The following INSYN2B variants were observed in gnomAD, a reference collection of about 807,000 sequenced individuals.
The protein encoded by INSYN2B is inhibitory synaptic factor family member 2B.
In INSYN2B, 16 loss-of-function variants were observed where a neutral mutation model predicts 41.2. The observed-to-expected ratio is 0.39, with a 90% confidence interval of 0.26 to 0.59. INSYN2B has a LOEUF of 0.59. Among genes scored for constraint, INSYN2B ranks in the 20% least tolerant of loss-of-function variants. INSYN2B has a pLI of 0.57. For missense variants in INSYN2B, 608 were observed against 646.4 expected (o/e 0.94, Z 0.64); for synonymous variants, 245 against 244.4 (o/e 1.00, Z -0.02).
chr5:169,958,612 T>C (rs1376382469), intron 1 of INSYN2B, among the ~76,000 whole-genome samples: 2 of 151,572 alleles, frequency 1.3e-5, no homozygotes, highest in African/African-American at 2.4e-5. Flanking sequence ...ATTTACAAAA[T>C]GTGGTTTAAA....
At chr5:169,896,839 A>C (rs1045031301) in intron 1 of INSYN2B, among the ~76,000 whole-genome samples, 1 of 152,226 alleles carries the variant, frequency 6.6e-6, no homozygotes, top group Non-Finnish European at 1.5e-5. Context: ...AATAAAATGC[A>C]GATGCCATAG....
At chr5:169,958,621 A>G (rs1449722278) in intron 1 of INSYN2B, among the ~76,000 whole-genome samples, 2 of 151,882 alleles carry the variant, frequency 1.3e-5, no homozygotes, top group Non-Finnish European at 2.9e-5. Context: ...ATGTGGTTTA[A>G]ATATTGATTG....
intron 1 of INSYN2B, among the ~76,000 whole-genome samples, chr5:169,965,172 A>G (rs1009698308): frequency 2.6e-5 from 4 of 152,236 alleles, no homozygotes; most frequent in African/African-American, 7.2e-5. Context: ...CTTACAAAAG[A>G]TACATTTTCT....
Position 169,863,328 on chromosome 5 carries a change from A to T in INSYN2B, c.*945T>A, listed in dbSNP as rs1388733500. Among the ~76,000 whole-genome samples, 1 of 152,234 alleles carries T rather than the reference A, an allele frequency of 6.6e-6. No individual in the cohort carries two copies. The highest frequency in any genetic ancestry group is 1.9e-4 in the East Asian group (1 of 5,202). On this transcript the variant is annotated 3_prime_UTR_variant, in exon 4 of 4. Coordinates refer to ENST00000377365, the MANE Select transcript of INSYN2B (RefSeq NM_001129891.3). ...ATCTACACGGCTGTTTCTGGGATGA[A>T]GGGATGAGAAACAGTGTTGTGTTTT...
At chr5:169,913,019 T>C (rs745375978) in intron 1 of INSYN2B, among the ~76,000 whole-genome samples, 3 of 152,204 alleles carry the variant, frequency 2.0e-5, no homozygotes, top group Non-Finnish European at 4.4e-5. Flanking sequence ...TGTTCCTCAA[T>C]TGTAGTGCCT....
rs542643694 is a variant in INSYN2B at position 169,875,289 on chromosome 5, G to A, written c.1421+6079C>T. ...ACACTCTCTGATTCAGTGGCTTTGG[G>A]GCTGAAACCCAGCAACAAGTTTCCA... On this transcript the variant is annotated intron_variant, in intron 3 of 3. Coordinates refer to ENST00000377365, the MANE Select transcript of INSYN2B (RefSeq NM_001129891.3). 56 of 456,602 alleles carry A rather than the reference G, an allele frequency of 1.2e-4. No individual in the cohort carries two copies. The East Asian group carries it at 2.2e-3, about 18-fold the overall frequency. 28.3% of individuals were successfully genotyped at this position (456,602 alleles called of 1,614,324 possible). A position where few individuals can be genotyped will look rare whatever the true frequency, so the allele number is the denominator to read the frequency against.
At position 169,886,285 on chromosome 5, in the gene INSYN2B, G is replaced by T. The variant is rs190912642; in HGVS notation, c.-918-1469C>A. Among the ~76,000 whole-genome samples, 104 of 152,294 alleles carry T rather than the reference G, an allele frequency of 6.8e-4. 1 individual carries two copies. The highest frequency in any genetic ancestry group is 2.3e-3 in the African/African-American group (95 of 41,560). On this transcript the variant is annotated intron_variant, in intron 1 of 3. Coordinates refer to ENST00000377365, the MANE Select transcript of INSYN2B (RefSeq NM_001129891.3). ...AGAGCAGGGTTGGCTTCTGAGAGTG[G>T]CATTGTCACATACCTCTCTGAGGAG... is the stretch of plus-strand genomic sequence containing the variant.
rs771742923 is a variant in INSYN2B, at chr5:169,862,694, G to A, written c.*1579C>T. Among the ~76,000 whole-genome samples the A allele has an allele frequency of 6.6e-6, 1 of 152,204 alleles. No homozygotes were observed. The highest frequency in any genetic ancestry group is 2.4e-5 in the African/African-American group (1 of 41,448). On this transcript the variant is annotated 3_prime_UTR_variant, in exon 4 of 4. Transcript: ENST00000377365. ...TGAATGACATTCCAAGACTTAAATAGTGCAAGCTGATATTCCTTGCCAAAT... is the reference window on the plus strand; with the variant it reads ...TGAATGACATTCCAAGACTTAAATAATGCAAGCTGATATTCCTTGCCAAAT...
At chr5:169,958,152 A>ATTTGT (rs1246246974) in intron 1 of INSYN2B, among the ~76,000 whole-genome samples, 22 of 152,212 alleles carry the variant, frequency 1.4e-4, no homozygotes, top group Non-Finnish European at 2.9e-4. Context: ...GTCTTTGTCA[A>ATTTGT]CTTGATTATC....
intron 1 of INSYN2B, among the ~76,000 whole-genome samples, chr5:169,898,251 A>G (rs545156976): frequency 4.3e-4 from 66 of 152,266 alleles, no homozygotes; most frequent in Non-Finnish European, 7.2e-4. Context: ...ACTGGCTGCC[A>G]TGGTCTCCTT....
At chr5:169,930,747 G>A (rs371214865) in intron 1 of INSYN2B, among the ~76,000 whole-genome samples, 31 of 152,274 alleles carry the variant, frequency 2.0e-4, no homozygotes, top group African/African-American at 6.0e-4. Flanking sequence ...TTTGAGAGTC[G>A]GGTGGAAGGC....
intron 1 of INSYN2B, among the ~76,000 whole-genome samples, chr5:169,968,978 G>T (rs1395508463): frequency 6.6e-6 from 1 of 152,148 alleles, no homozygotes; most frequent in Non-Finnish European, 1.5e-5. Context: ...GTGATACCAT[G>T]CCTCTACAAA....
intron 1 of INSYN2B, among the ~76,000 whole-genome samples, chr5:169,889,216 A>G (rs890760620): frequency 6.6e-5 from 10 of 152,236 alleles, no homozygotes; most frequent in African/African-American, 2.2e-4. Flanking sequence ...TTGCATAACT[A>G]ATTAAGAGTG....
intron 1 of INSYN2B, among the ~76,000 whole-genome samples, chr5:169,941,627 T>A (rs1181086564): frequency 6.6e-6 from 1 of 152,144 alleles, no homozygotes; most frequent in Non-Finnish European, 1.5e-5. Context: ...CTGGACTTGA[T>A]TAAACTAAGA....
At chr5:169,918,951 A>C (rs1271166246) in intron 1 of INSYN2B, among the ~76,000 whole-genome samples, 1 of 152,164 alleles carries the variant, frequency 6.6e-6, no homozygotes, top group East Asian at 1.9e-4. Flanking sequence ...TAGGGGCCAG[A>C]TATATGAGTA....
chr5:169,875,383 A>C (rs922148494), intron 3 of INSYN2B: 3 of 447,380 alleles, frequency 6.7e-6, no homozygotes, highest in Non-Finnish European at 4.5e-6. Flanking sequence ...TAGGGCCTAC[A>C]TCTTCAATGT....
chr5:169,916,213 G>A (rs11742527), intron 1 of INSYN2B, among the ~76,000 whole-genome samples: 54,586 of 152,004 alleles, frequency 0.36, 10,144 homozygotes, highest in South Asian at 0.41. Context: ...GGATTCATAC[G>A]GAACCTCTTC....
rs547917254 is a variant in INSYN2B at position 169,909,046 on chromosome 5, C to G, written c.-918-24230G>C. 3.3e-5 allele frequency among the ~76,000 whole-genome samples: 5 copies of G among 152,252 alleles called. No individual in the cohort carries two copies. In the East Asian group the frequency reaches 7.7e-4, roughly 23 times the overall value. ...TGTCAGCCCCTAGAGTGAATGTGAG[C>G]GAGGCTGAGCCAGGCTGCCTGCTTT... On this transcript the variant is annotated intron_variant, in intron 1 of 3. Coordinates refer to ENST00000377365, the MANE Select transcript of INSYN2B (RefSeq NM_001129891.3).
chr5:169,866,385 T>A (rs1047339245), intron 3 of INSYN2B, among the ~76,000 whole-genome samples: 21 of 152,212 alleles, frequency 1.4e-4, no homozygotes, highest in Non-Finnish European at 2.2e-4. Flanking sequence ...GGGAAGTCAT[T>A]TCCCACTTCC....
Sources: allele counts gnomAD v4.1 joint callset (sites outside exome capture counted in the v4.1 genomes callset), GRCh38; gene constraint gnomAD v4.1.1; transcripts MANE v1.5; gene names NCBI Gene and HGNC (gene_info 2026-07-23, HGNC 2026-07-21).